The following CCDC88C variants were observed in gnomAD, a reference collection of about 807,000 sequenced individuals.
The protein encoded by CCDC88C is coiled-coil and HOOK domain protein 88C, also known as protein Daple.
CCDC88C carries 131 observed loss-of-function variants against 198.8 expected under a neutral mutation model. That is an observed-to-expected ratio of 0.66 (90% CI 0.57 to 0.76). The LOEUF (loss-of-function observed/expected upper bound fraction) is 0.76, where lower values mean the gene tolerates loss of function less well. Among genes scored for constraint, CCDC88C ranks in the 30% least tolerant of loss-of-function variants. The pLI is 0.00. For synonymous variants in CCDC88C, 1,166 were observed against 1,114.7 expected (o/e 1.05, Z -0.92); for missense variants, 2,553 against 2,631.6 (o/e 0.97, Z 0.65).
chr14:91,328,286 C>A (rs1038800198), intron 10 of CCDC88C, among the ~76,000 whole-genome samples: 1 of 152,206 alleles, frequency 6.6e-6, no homozygotes, highest in African/African-American at 2.4e-5. Context: ...CATAAGGTAA[C>A]AGAAACATCT....
intron 23 of CCDC88C, among the ~76,000 whole-genome samples, chr14:91,291,613 G>T (rs1303594966): frequency 6.6e-6 from 1 of 152,188 alleles, no homozygotes; most frequent in African/African-American, 2.4e-5. Flanking sequence ...GCACAGCAGG[G>T]CTGGAGAAAC....
In CCDC88C at chr14:91,277,668, C is replaced by T. The variant is rs770830977; in HGVS notation, c.5058+254G>A. On this transcript the variant is annotated intron_variant, in intron 29 of 29. Transcript: ENST00000389857. Reference sequence around the variant, plus strand: ...AGCCCTGTAAGTCAGGTGCTGGCCACGCACCCTTGGTGCGGGCCACAAGCT... The same window carrying T: ...AGCCCTGTAAGTCAGGTGCTGGCCATGCACCCTTGGTGCGGGCCACAAGCT... Among the ~76,000 whole-genome samples, 5 of 152,340 alleles carry T rather than the reference C, an allele frequency of 3.3e-5. No individual in the cohort carries two copies. The South Asian group carries it at 1.0e-3, about 32-fold the overall frequency.
At chr14:91,318,680 T>C (rs1314018503) in intron 13 of CCDC88C, among the ~76,000 whole-genome samples, 1 of 151,886 alleles carries the variant, frequency 6.6e-6, no homozygotes, top group Non-Finnish European at 1.5e-5. Flanking sequence ...GTGGCTCACA[T>C]TGGGACGCTG....
intron 29 of CCDC88C, 149 bp downstream of exon 29, chr14:91,277,773 C>G: frequency 1.2e-6 from 1 of 852,282 alleles, no homozygotes; most frequent in East Asian, 3.0e-5. Context: ...GACTTGTCAG[C>G]TAGTGCTCTA....
intron 3 of CCDC88C, among the ~76,000 whole-genome samples, chr14:91,400,407 C>T (rs563002764): frequency 2.0e-4 from 30 of 152,342 alleles, no homozygotes; most frequent in Admixed American, 5.9e-4. Flanking sequence ...GAATTCTGAA[C>T]GGACTGCAAA....
rs538751395 is a variant in CCDC88C at position 91,336,037 on chromosome 14, G to A, written c.1050+1968C>T. On this transcript the variant is annotated intron_variant, in intron 10 of 29. Transcript: ENST00000389857. The stretch of plus-strand genomic sequence containing the variant: ...CCTGAGTAAATGTCTCATGCAGAGA[G>A]ACACTATTTCTCTTTCTCTTGTGAT... 3.3e-5 allele frequency among the ~76,000 whole-genome samples: 5 copies of A among 152,320 alleles called. No homozygotes were observed. In the South Asian group the frequency reaches 8.3e-4, roughly 25 times the overall value.
chr14:91,300,142 G>C (rs1451737683), intron 20 of CCDC88C, 72 bp from the exon 21 acceptor site: 127 of 1,542,896 alleles, frequency 8.2e-5, no homozygotes, highest in Middle Eastern at 5.0e-4. Context: ...ACATCCCAGA[G>C]GATCTGCGTG....
At chr14:91,287,548 G>C (rs971635533) in intron 25 of CCDC88C, among the ~76,000 whole-genome samples, 1 of 151,758 alleles carries the variant, frequency 6.6e-6, no homozygotes, top group East Asian at 1.9e-4. Context: ...TGTTGCCCAG[G>C]CTAGTCCCAA....
chr14:91,300,555 C>G (rs1891230579), intron 20 of CCDC88C, among the ~76,000 whole-genome samples: 1 of 152,218 alleles, frequency 6.6e-6, no homozygotes, highest in Admixed American at 6.5e-5. Context: ...CCTTAGGAGC[C>G]TGCATCCACT....
chr14:91,334,706 C>T (rs1892976917), intron 10 of CCDC88C, among the ~76,000 whole-genome samples: 1 of 151,392 alleles, frequency 6.6e-6, no homozygotes, highest in African/African-American at 2.4e-5. Flanking sequence ...TAAAAGCAAA[C>T]ACGGGCCCAT....
At chr14:91,285,283 G>A (rs1385692887) in intron 25 of CCDC88C, 3 of 313,656 alleles carry the variant, frequency 9.6e-6, no homozygotes, top group Non-Finnish European at 2.0e-5. Flanking sequence ...CTTGACAGAG[G>A]CTGTACATTT....
chr14:91,416,737 C>T lies in CCDC88C; in HGVS notation c.161+1G>A. On this transcript the variant is annotated splice_donor_variant, in intron 2 of 29. Transcript: ENST00000389857. LOFTEE classifies it high-confidence loss of function. ...CTTCCTCCGAGAAGAAGGTAACTTA[C>T]ATTTGCAGCATAATTTGGTTCAAAA... 6.3e-7 allele frequency: 1 copy of T among 1,599,010 alleles called. No individual in the cohort carries two copies. The highest frequency in any genetic ancestry group is 8.6e-7 in the Non-Finnish European group (1 of 1,166,636).
intron 3 of CCDC88C, among the ~76,000 whole-genome samples, chr14:91,397,963 G>A (rs1885950947): frequency 6.6e-6 from 1 of 152,254 alleles, no homozygotes; most frequent in South Asian, 2.1e-4. Context: ...TTCCGGGGCT[G>A]TTTCCTGATC....
intron 4 of CCDC88C, among the ~76,000 whole-genome samples, chr14:91,349,630 A>T (rs1011013375): frequency 6.6e-6 from 1 of 152,232 alleles, no homozygotes; most frequent in African/African-American, 2.4e-5. Context: ...GAATCCCAGG[A>T]CGGCCTGAGT....
intron 3 of CCDC88C, among the ~76,000 whole-genome samples, chr14:91,395,805 A>G (rs1885804781): frequency 6.6e-6 from 1 of 151,918 alleles, no homozygotes; most frequent in Non-Finnish European, 1.5e-5. Flanking sequence ...ATGTAGAATT[A>G]CCACCCCTCA....
At chr14:91,365,440 T>A (rs1037771564) in intron 3 of CCDC88C, among the ~76,000 whole-genome samples, 1 of 152,206 alleles carries the variant, frequency 6.6e-6, no homozygotes, top group African/African-American at 2.4e-5. Context: ...ATGAAGCTCA[T>A]TTTCTGTTTT....
At chr14:91,351,675 G>A (rs544432452) in intron 4 of CCDC88C, among the ~76,000 whole-genome samples, 1 of 151,960 alleles carries the variant, frequency 6.6e-6, no homozygotes, top group Admixed American at 6.6e-5. Context: ...TTTATCAAAC[G>A]TGGACTCTGG....
chr14:91,336,298 G>A (rs11848903), intron 10 of CCDC88C, among the ~76,000 whole-genome samples: 18 of 152,178 alleles, frequency 1.2e-4, no homozygotes, highest in African/African-American at 2.9e-4. Flanking sequence ...GGGCAGACGC[G>A]TCTATGTGAC....
intron 4 of CCDC88C, among the ~76,000 whole-genome samples, chr14:91,351,964 A>G (rs960008826): frequency 2.6e-5 from 4 of 152,180 alleles, no homozygotes; most frequent in African/African-American, 9.7e-5. Context: ...TTCATTTCCC[A>G]GCACCAAACA....
Sources: allele counts gnomAD v4.1 joint callset (sites outside exome capture counted in the v4.1 genomes callset), GRCh38; gene constraint gnomAD v4.1.1; transcripts MANE v1.5; gene names NCBI Gene and HGNC (gene_info 2026-07-23, HGNC 2026-07-21).